The following CPED1 variants were observed in gnomAD, a reference collection of about 807,000 sequenced individuals.
CPED1 encodes the protein cadherin-like and PC-esterase domain-containing protein 1.
In CPED1, 114 loss-of-function variants were observed where a neutral mutation model predicts 128.2. The ratio of observed to expected loss-of-function variants is 0.89; its 90% CI spans 0.76 to 1.04. CPED1 has a LOEUF of 1.04. CPED1 is among the 50% of genes least tolerant of loss of function. The pLI is 0.00. For synonymous variants in CPED1, 462 were observed against 426.7 expected (o/e 1.08, Z -1.02); for missense variants, 1,211 against 1,207.1 (o/e 1.00, Z -0.05).
Position 121,015,708 on chromosome 7 carries a change from G to C in CPED1, c.293G>C (p.Arg98Thr). 1 of 1,605,570 alleles carries C rather than the reference G, an allele frequency of 6.2e-7. No individual in the cohort carries two copies. Among genetic ancestry groups the C allele is most frequent in the Non-Finnish European group, 8.5e-7 (1 of 1,177,450 alleles). The change falls in exon 3 of 23, where the codon AGG becomes ACG. Residue 98 changes from arginine to threonine, a missense_variant. By Grantham distance (71) the Arg-to-Thr change is moderately conservative. Transcript: ENST00000310396. ...METHFGSHGR[R>T]AILYRPPFYS... The stretch of plus-strand genomic sequence containing the variant: ...ACACACTTTGGCAGCCATGGCCGAA[G>C]GGCCATACTCTACAGGCCTCCTTTC...
At chr7:121,270,512 T>C (rs964876778) in intron 21 of CPED1, among the ~76,000 whole-genome samples, 4 of 152,166 alleles carry the variant, frequency 2.6e-5, no homozygotes, top group African/African-American at 9.7e-5. Context: ...TTTTTATAGT[T>C]TAAGGTCTTA....
At chr7:121,013,843 A>G (rs1670974838) in intron 2 of CPED1, among the ~76,000 whole-genome samples, 1 of 152,222 alleles carries the variant, frequency 6.6e-6, no homozygotes, top group African/African-American at 2.4e-5. Flanking sequence ...TTCTTTCAAC[A>G]TGCATCTTCA....
At chr7:121,069,548 G>A (rs543561827) in intron 5 of CPED1, among the ~76,000 whole-genome samples, 1 of 152,114 alleles carries the variant, frequency 6.6e-6, no homozygotes, top group Admixed American at 6.6e-5. Context: ...GGCTAACACA[G>A]TCTGTTCCAT....
chr7:121,034,141 T>C (rs1168690188), intron 3 of CPED1, among the ~76,000 whole-genome samples: 1 of 152,020 alleles, frequency 6.6e-6, no homozygotes, highest in Non-Finnish European at 1.5e-5. Flanking sequence ...AGTCATATTA[T>C]ATACTCAAGT....
intron 17 of CPED1, among the ~76,000 whole-genome samples, chr7:121,239,017 A>G (rs1338693086): frequency 6.6e-6 from 1 of 152,164 alleles, no homozygotes; most frequent in Non-Finnish European, 1.5e-5. Context: ...AAAAGGCCCA[A>G]AGACTCAAAA....
chr7:121,076,286 C>G (rs551744446), intron 5 of CPED1, among the ~76,000 whole-genome samples: 3 of 152,042 alleles, frequency 2.0e-5, no homozygotes, highest in Non-Finnish European at 4.4e-5. Context: ...CCCACTCCTG[C>G]GAGACATAAT....
At position 121,266,782 on chromosome 7, in the gene CPED1, G is replaced by C. The variant is rs1792136096; in HGVS notation, c.2607G>C (p.Leu869=). 3.1e-6 allele frequency: 5 copies of C among 1,612,152 alleles called. No individual in the cohort carries two copies. Among genetic ancestry groups the C allele is most frequent in the Non-Finnish European group, 4.2e-6 (5 of 1,178,756 alleles). The change falls in exon 20 of 23, where the codon CTG becomes CTC. Residue 869 remains leucine (L), a synonymous_variant. Transcript: ENST00000310396. The part of the protein sequence containing the change: ...GGVQWLNSNH[L]QIIHKVLKRE... ...TTCAGTGGCTTAATTCCAATCACCT[G>C]CAAATTATTCACAAAGTTTTGAAGA...
Position 121,142,453 on chromosome 7 carries a change from C to G in CPED1, c.2055+312C>G, listed in dbSNP as rs35181663. 6.2e-3 allele frequency among the ~76,000 whole-genome samples: 942 copies of G among 152,032 alleles called. 2 individuals are homozygous for G. Among genetic ancestry groups the G allele is most frequent in the Non-Finnish European group, 8.4e-3 (571 of 67,960 alleles). ...TTTCACATTTTCCTTTTAAATTGGG[C>G]TATTTTTCTTGGATTTGTCCCTGGA... is the stretch of plus-strand genomic sequence containing the variant. On this transcript the variant is annotated intron_variant, in intron 16 of 22. Transcript: ENST00000310396.
At chr7:121,098,227 A>G (rs777827462) in intron 6 of CPED1, among the ~76,000 whole-genome samples, 1 of 152,060 alleles carries the variant, frequency 6.6e-6, no homozygotes, top group Non-Finnish European at 1.5e-5. Context: ...CTAAGAAAGC[A>G]TCTGCTGTGT....
chr7:121,100,957 T>C (rs931469015), intron 7 of CPED1, among the ~76,000 whole-genome samples: 6 of 152,200 alleles, frequency 3.9e-5, no homozygotes, highest in African/African-American at 1.4e-4. Context: ...TTTCTTTTTC[T>C]CCTCTTAAAC....
chr7:121,110,366 T>C (rs1426797558), intron 7 of CPED1, among the ~76,000 whole-genome samples: 1 of 152,154 alleles, frequency 6.6e-6, no homozygotes, highest in Non-Finnish European at 1.5e-5. Flanking sequence ...GAAATTCAGA[T>C]AGTTACAGGT....
chr7:121,138,775 G>A lies in CPED1; in HGVS notation c.1700-2052G>A, dbSNP rs1045344666. Among the ~76,000 whole-genome samples the A allele has an allele frequency of 2.0e-5, 3 of 152,140 alleles. No individual in the cohort carries two copies. In the East Asian group the frequency reaches 5.8e-4, roughly 29 times the overall value. On this transcript the variant is annotated intron_variant, in intron 14 of 22. Transcript: ENST00000310396. ...CACTTTGCTAGTTCTGAGCAGAAAA[G>A]TGCGACTGTTTCTATTCCCTTTGTG...
At chr7:120,998,612 C>T (rs1489721194) in intron 2 of CPED1, among the ~76,000 whole-genome samples, 1 of 152,128 alleles carries the variant, frequency 6.6e-6, no homozygotes, top group East Asian at 1.9e-4. Flanking sequence ...TAAATAATTG[C>T]TGCAATCAAC....
intron 14 of CPED1, among the ~76,000 whole-genome samples, chr7:121,136,504 T>A (rs771730800): frequency 1.2e-4 from 18 of 152,268 alleles, no homozygotes; most frequent in Middle Eastern, 3.4e-3. Context: ...TGAGAGTTTT[T>A]AAGCCAATTT....
chr7:121,240,593 G>A (rs949981268), intron 17 of CPED1, among the ~76,000 whole-genome samples: 1 of 151,990 alleles, frequency 6.6e-6, no homozygotes, highest in South Asian at 2.1e-4. Context: ...CAAAGAGGAT[G>A]TGGGGCTGTA....
At chr7:121,095,053 G>A (rs1046686805) in intron 5 of CPED1, among the ~76,000 whole-genome samples, 2 of 152,152 alleles carry the variant, frequency 1.3e-5, no homozygotes, top group East Asian at 3.8e-4. Context: ...TCCATATTAA[G>A]TTACTTTAAC....
intron 5 of CPED1, among the ~76,000 whole-genome samples, chr7:121,081,308 G>C (rs1457638293): frequency 6.6e-6 from 1 of 152,050 alleles, no homozygotes; most frequent in Admixed American, 6.6e-5. Context: ...TTGAAGTTGT[G>C]GTTAGAAAGG....
chr7:121,272,276 T>C (rs1792248005), intron 22 of CPED1, among the ~76,000 whole-genome samples: 1 of 152,168 alleles, frequency 6.6e-6, no homozygotes. Context: ...CTTCTACATT[T>C]TTCTGCGTTG....
intron 5 of CPED1, among the ~76,000 whole-genome samples, chr7:121,065,236 C>T (rs2721374): frequency 0.88 from 134,260 of 152,084 alleles, 59,611 homozygotes; most frequent in Middle Eastern, 0.98. Context: ...AAAATAATCT[C>T]AATTCAACTT....
Sources: gnomAD v4.1 joint callset for allele counts (sites outside exome capture counted in the v4.1 genomes callset) on GRCh38, gnomAD v4.1.1 for gene constraint, MANE v1.5 for transcripts, NCBI Gene and HGNC (gene_info 2026-07-23, HGNC 2026-07-21) for gene names.